The following EDAR variants were observed in gnomAD, a reference collection of about 807,000 sequenced individuals.
The protein encoded by EDAR is ectodysplasin A receptor.
Under a neutral mutation model 51.3 loss-of-function variants are expected in EDAR, and 38 were observed. The observed-to-expected ratio is 0.74, with a 90% CI of 0.57 to 0.97. EDAR has a LOEUF of 0.97. EDAR is among the 50% of genes least tolerant of loss of function. The probability of loss-of-function intolerance (pLI) is 0.00; values close to 1 mark genes in which losing one functional copy is unlikely to be tolerated. For synonymous variants in EDAR, 227 were observed against 242.1 expected (o/e 0.94, Z 0.58); for missense variants, 528 against 595.0 (o/e 0.89, Z 1.17).
At chr2:108,933,813 G>A (rs1021190949) in intron 1 of EDAR, among the ~76,000 whole-genome samples, 5 of 151,996 alleles carry the variant, frequency 3.3e-5, no homozygotes, top group South Asian at 2.1e-4. Flanking sequence ...CCCGTCAGGT[G>A]GGGGAGGGTT....
At position 108,896,788 on chromosome 2, in the gene EDAR, C is replaced by T. The variant is rs964464421; in HGVS notation, c.*119G>A. The T allele has an allele frequency of 2.6e-5, 25 of 977,128 alleles. No individual in the cohort carries two copies. The highest frequency in any genetic ancestry group is 3.7e-5 in the Non-Finnish European group (24 of 654,694). The allele number at this position is 977,128 out of a possible 1,614,324, so 60.5% of individuals were successfully genotyped here. A position where few individuals can be genotyped will look rare whatever the true frequency, so the allele number is the denominator to read the frequency against. On this transcript the variant is annotated 3_prime_UTR_variant, in exon 12 of 12. Coordinates refer to ENST00000258443, the MANE Select transcript of EDAR (RefSeq NM_022336.4). ...GTCTGGCTCCTTGAACATCCTAAGGCATACGGTGACATATCACAAAAGCCT... is the reference window on the plus strand; with the variant it reads ...GTCTGGCTCCTTGAACATCCTAAGGTATACGGTGACATATCACAAAAGCCT...
intron 1 of EDAR, among the ~76,000 whole-genome samples, chr2:108,959,317 T>C (rs1697991009): frequency 6.6e-6 from 1 of 152,222 alleles, no homozygotes; most frequent in African/African-American, 2.4e-5. Context: ...GATGGAGAGA[T>C]GACCTGGTGT....
chr2:108,986,963 C>G (rs1482963462), intron 1 of EDAR, among the ~76,000 whole-genome samples: 2 of 152,116 alleles, frequency 1.3e-5, no homozygotes, highest in African/African-American at 4.8e-5. Context: ...AATACCTAGG[C>G]AGAGCCTCAA....
At position 108,931,039 on chromosome 2, in the gene EDAR, G is replaced by T; in HGVS notation, c.-18-7C>A. 6.2e-7 allele frequency: 1 copy of T among 1,613,776 alleles called. No homozygotes were observed. ...TCCTCTCCCAAGGGCTCACCTGAAA[G>T]ACATGCGTCATTAGCTGGGCACTGG... On this transcript the variant is annotated splice_polypyrimidine_tract_variant and splice_region_variant and intron_variant, in intron 1 of 11. Transcript: ENST00000258443.
rs1010899371 is a variant in EDAR at position 108,894,923 on chromosome 2, T to A, written c.*1984A>T. On this transcript the variant is annotated 3_prime_UTR_variant, in exon 12 of 12. Coordinates refer to ENST00000258443, the MANE Select transcript of EDAR (RefSeq NM_022336.4). ...AGCAGAGAACAGCCACCCCACTCTT[T>A]CGCTGAAAACATTCTGAGGAGGGTG... 1 of 152,184 alleles carries A rather than the reference T, an allele frequency of 6.6e-6. No individual in the cohort carries two copies. Among genetic ancestry groups the A allele is most frequent in the Non-Finnish European group, 1.5e-5 (1 of 68,040 alleles). The allele number at this position is 152,184 out of a possible 1,614,324, so 9.4% of individuals were successfully genotyped here.
At chr2:108,977,665 C>T (rs1698348450) in intron 1 of EDAR, among the ~76,000 whole-genome samples, 1 of 152,008 alleles carries the variant, frequency 6.6e-6, no homozygotes, top group Non-Finnish European at 1.5e-5. Flanking sequence ...TCCTGGGACC[C>T]GGCTCTCACT....
intron 1 of EDAR, among the ~76,000 whole-genome samples, chr2:108,944,731 G>A (rs910669662): frequency 1.3e-5 from 2 of 152,162 alleles, no homozygotes; most frequent in Admixed American, 6.5e-5. Flanking sequence ...CACCCCCACC[G>A]TGCAGAGGAG....
At chr2:108,931,235 C>T (rs1697361280) in intron 1 of EDAR, among the ~76,000 whole-genome samples, 1 of 152,242 alleles carries the variant, frequency 6.6e-6, no homozygotes, top group Non-Finnish European at 1.5e-5. Context: ...GCCTCGCAGC[C>T]ATGCCTGGGA....
intron 1 of EDAR, among the ~76,000 whole-genome samples, chr2:108,942,914 T>C (rs1005197005): frequency 2.0e-5 from 3 of 152,200 alleles, no homozygotes; most frequent in Admixed American, 2.0e-4. Context: ...AATAGATGGA[T>C]TTTCTCCCTG....
At chr2:108,986,316 C>T (rs546288592) in intron 1 of EDAR, among the ~76,000 whole-genome samples, 2 of 152,316 alleles carry the variant, frequency 1.3e-5, no homozygotes, top group East Asian at 1.9e-4. Flanking sequence ...CTTGATCCCT[C>T]GCCTCTGAGG....
intron 1 of EDAR, among the ~76,000 whole-genome samples, chr2:108,946,912 CA>C (rs2105485647): frequency 6.6e-6 from 1 of 151,796 alleles, no homozygotes; most frequent in East Asian, 1.9e-4. Context: ...TTTCACATTT[CA>C]AAACCAATCA....
intron 1 of EDAR, among the ~76,000 whole-genome samples, chr2:108,949,986 T>C (rs1488359102): frequency 1.3e-5 from 2 of 152,308 alleles, no homozygotes; most frequent in Admixed American, 6.5e-5. Flanking sequence ...ACTGTGGAGA[T>C]TGGGTGCAGC....
At chr2:108,911,093 T>C in intron 6 of EDAR, 21 bp from the exon 7 acceptor site, 1 of 1,613,922 alleles carries the variant, frequency 6.2e-7, no homozygotes, top group Non-Finnish European at 8.5e-7. Flanking sequence ...AGAGAAGGCA[T>C]GAATGACCCA....
intron 6 of EDAR, among the ~76,000 whole-genome samples, chr2:108,911,680 G>A (rs1165151566): frequency 2.6e-5 from 4 of 152,148 alleles, no homozygotes; most frequent in African/African-American, 7.2e-5. Context: ...TGCATAAAAT[G>A]CCCTGAAGCT....
chr2:108,969,870 G>A (rs1265297626), intron 1 of EDAR, among the ~76,000 whole-genome samples: 2 of 152,216 alleles, frequency 1.3e-5, no homozygotes, highest in Admixed American at 6.5e-5. Flanking sequence ...CCAAAAAGGG[G>A]TGAAAGAATC....
At chr2:108,920,908 A>C (rs1201194950) in intron 5 of EDAR, among the ~76,000 whole-genome samples, 1 of 152,132 alleles carries the variant, frequency 6.6e-6, no homozygotes, top group Non-Finnish European at 1.5e-5. Context: ...AGGAGAGGAC[A>C]TGAGGCTCTG....
At chr2:108,987,968 C>G (rs925119420) in intron 1 of EDAR, among the ~76,000 whole-genome samples, 23 of 152,332 alleles carry the variant, frequency 1.5e-4, no homozygotes, top group Non-Finnish European at 2.5e-4. Flanking sequence ...TGGCTCTTCA[C>G]TTCTTTGTTA....
intron 1 of EDAR, among the ~76,000 whole-genome samples, chr2:108,981,496 C>T (rs1698419793): frequency 6.6e-6 from 1 of 152,210 alleles, no homozygotes; most frequent in Admixed American, 6.5e-5. Flanking sequence ...ATTTTCCGCT[C>T]TAGCTCCCAG....
At position 108,894,620 on chromosome 2, in the gene EDAR, A is replaced by G. The variant is rs1696545162; in HGVS notation, c.*2287T>C. On this transcript the variant is annotated 3_prime_UTR_variant, in exon 12 of 12. Transcript: ENST00000258443. ...TTCTAAATGTTTTAAAGTATTGCAG[A>G]ATTATGAATATCTCCACACAAAAAT... The G allele has an allele frequency of 6.5e-6, 1 of 152,674 alleles. No homozygotes were observed. The highest frequency in any genetic ancestry group is 1.5e-5 in the Non-Finnish European group (1 of 68,050). The allele number at this position is 152,674 out of a possible 1,614,324, so 9.5% of individuals were successfully genotyped here. A position where few individuals can be genotyped will look rare whatever the true frequency, so the allele number is the denominator to read the frequency against.
Sources: allele counts gnomAD v4.1 joint callset (sites outside exome capture counted in the v4.1 genomes callset), GRCh38; gene constraint gnomAD v4.1.1; transcripts MANE v1.5; gene names NCBI Gene and HGNC (gene_info 2026-07-23, HGNC 2026-07-21).